DRC10: variants seen among roughly 807,000 people sequenced by gnomAD.
DRC10 encodes the protein dynein regulatory complex subunit 10.
chr12:113,199,749 A>C, the DRC10 span, among the ~76,000 whole-genome samples: 1 of 151,834 alleles, frequency 6.6e-6, no homozygotes, highest in Non-Finnish European at 1.5e-5. Context: ...GCAAGGTTTC[A>C]CTCTGTTGAC....
chr12:113,204,544 CT>C, the DRC10 span, among the ~76,000 whole-genome samples: 124 of 152,376 alleles, frequency 8.1e-4, 1 homozygote, highest in Non-Finnish European at 1.4e-3. Context: ...TGCTTTTCCC[CT>C]ATAACAGCAA....
At chr12:113,219,666 GT>G in the DRC10 span, among the ~76,000 whole-genome samples, 175 of 149,098 alleles carry the variant, frequency 1.2e-3, no homozygotes, top group Middle Eastern at 0.01. Context: ...GAACCTCAAA[GT>G]TTTTTTTTTA....
chr12:113,210,553 G>A, the DRC10 span, among the ~76,000 whole-genome samples: 1 of 151,028 alleles, frequency 6.6e-6, no homozygotes, highest in African/African-American at 2.4e-5. Flanking sequence ...CTTGAGCCCA[G>A]GAGTTCAAGA....
At chr12:113,200,210 A>AT in the DRC10 span, 1 of 388,676 alleles carries the variant, frequency 2.6e-6, no homozygotes, top group East Asian at 6.5e-5. Flanking sequence ...TGAGCTTTAC[A>AT]TGCTACTTCT....
chr12:113,213,770 C>T, the DRC10 span, among the ~76,000 whole-genome samples: 1 of 151,810 alleles, frequency 6.6e-6, no homozygotes, highest in Non-Finnish European at 1.5e-5. Context: ...ACCAACCTGG[C>T]CAACATGGTG....
chr12:113,200,802 CTCCTTT>C, the DRC10 span: 1 of 1,531,118 alleles, frequency 6.5e-7, no homozygotes. Flanking sequence ...TCACAAAGTT[CTCCTTT>C]TCCACCTAAG....
chr12:113,216,333 T>C, the DRC10 span, among the ~76,000 whole-genome samples: 1 of 152,034 alleles, frequency 6.6e-6, no homozygotes, highest in African/African-American at 2.4e-5. Context: ...GGCAAAACTA[T>C]GGAGATAGTA....
At chr12:113,207,685 C>T in the DRC10 span, 1 of 1,614,106 alleles carries the variant, frequency 6.2e-7, no homozygotes, top group African/African-American at 1.3e-5. Context: ...CTGGGGGTTG[C>T]TGAGCAAGAG....
At chr12:113,205,348 C>A in the DRC10 span, among the ~76,000 whole-genome samples, 1 of 151,332 alleles carries the variant, frequency 6.6e-6, no homozygotes, top group East Asian at 2.0e-4. Flanking sequence ...GCCTGGCCAA[C>A]ACGGTGAAAC....
chr12:113,208,735 T>TG, the DRC10 span, among the ~76,000 whole-genome samples: 1 of 151,906 alleles, frequency 6.6e-6, no homozygotes, highest in African/African-American at 2.4e-5. Flanking sequence ...AGGGTGGCGG[T>TG]GGGGGAGGAG....
the DRC10 span, among the ~76,000 whole-genome samples, chr12:113,218,240 G>C: frequency 6.6e-6 from 1 of 151,288 alleles, no homozygotes; most frequent in African/African-American, 2.4e-5. Context: ...GGGTTCAAGC[G>C]ATTCTCCTGC....
At chr12:113,208,380 C>G in the DRC10 span, 88 of 1,363,220 alleles carry the variant, frequency 6.5e-5, no homozygotes, top group African/African-American at 1.2e-3. Context: ...CGCTTTTACA[C>G]AGAACCTTTC....
the DRC10 span, among the ~76,000 whole-genome samples, chr12:113,212,563 G>C: frequency 6.6e-6 from 1 of 152,148 alleles, no homozygotes; most frequent in African/African-American, 2.4e-5. Flanking sequence ...CAGAGAGTGC[G>C]GCTGGAAACG....
the DRC10 span, among the ~76,000 whole-genome samples, chr12:113,197,015 GCTGAGTGA>G: frequency 2.6e-5 from 4 of 152,176 alleles, no homozygotes; most frequent in East Asian, 7.7e-4. Context: ...ATAAAAACTG[GCTGAGTGA>G]CTGAGTGATG....
the DRC10 span, chr12:113,207,513 C>T: frequency 1.2e-6 from 2 of 1,614,034 alleles, no homozygotes; most frequent in Non-Finnish European, 1.7e-6. Context: ...TATTACTATT[C>T]TGTCTACTGA....
At chr12:113,196,355 C>T in the DRC10 span, among the ~76,000 whole-genome samples, 1 of 152,106 alleles carries the variant, frequency 6.6e-6, no homozygotes, top group African/African-American at 2.4e-5. Context: ...TTCCACAAGA[C>T]ACCAGAGGAG....
At chr12:113,217,570 C>T in the DRC10 span, among the ~76,000 whole-genome samples, 3 of 152,302 alleles carry the variant, frequency 2.0e-5, no homozygotes, top group South Asian at 6.2e-4. Flanking sequence ...CTCGCTCTGT[C>T]GCCCAGGCTG....
chr12:113,216,346 A>T, the DRC10 span, among the ~76,000 whole-genome samples: 2 of 152,218 alleles, frequency 1.3e-5, no homozygotes, highest in African/African-American at 4.8e-5. Flanking sequence ...AGATAGTAAA[A>T]AGATCAGTGT....
At chr12:113,213,182 A>C in the DRC10 span, among the ~76,000 whole-genome samples, 1 of 149,750 alleles carries the variant, frequency 6.7e-6, no homozygotes, top group African/African-American at 2.4e-5. Context: ...GTGCTAAAAA[A>C]AAAAAAAAAA....
Sources: gnomAD v4.1 joint callset for allele counts (sites outside exome capture counted in the v4.1 genomes callset) on GRCh38, gnomAD v4.1.1 for gene constraint, MANE v1.5 for transcripts, NCBI Gene and HGNC (gene_info 2026-07-23, HGNC 2026-07-21) for gene names.